CHST9: variants seen among roughly 807,000 people sequenced by gnomAD.
CHST9 encodes carbohydrate sulfotransferase 9.
In CHST9, 41 loss-of-function variants were observed where a neutral mutation model predicts 44.4. The ratio of observed to expected loss-of-function variants is 0.92; its 90% CI spans 0.72 to 1.20. The LOEUF (loss-of-function observed/expected upper bound fraction) is 1.20. Ranked by LOEUF, CHST9 falls within the 50% of genes most tolerant of loss-of-function variation. CHST9 has a pLI of 0.00. For missense variants in CHST9, 504 were observed against 516.5 expected (o/e 0.98, Z 0.23); for synonymous variants, 171 against 178.4 (o/e 0.96, Z 0.33).
intron 5 of CHST9, chr18:26,932,880 A>T (rs1225697134): frequency 6.5e-6 from 1 of 153,772 alleles, no homozygotes; most frequent in African/African-American, 2.4e-5. Flanking sequence ...CAAAGCATTC[A>T]TGTATTGCAT....
At chr18:26,975,938 G>A (rs538673821) in intron 4 of CHST9, among the ~76,000 whole-genome samples, 1 of 151,022 alleles carries the variant, frequency 6.6e-6, no homozygotes, top group Non-Finnish European at 1.5e-5. Context: ...TTCTGTTATT[G>A]GCCAGTCAGC....
chr18:26,966,260 A>C (rs2056463199), intron 4 of CHST9, among the ~76,000 whole-genome samples: 1 of 152,240 alleles, frequency 6.6e-6, no homozygotes. Context: ...TAAAAAATCA[A>C]GTACAAAGTA....
chr18:27,134,168 ACT>A (rs748125542), intron 2 of CHST9, among the ~76,000 whole-genome samples: 1 of 152,058 alleles, frequency 6.6e-6, no homozygotes, highest in Non-Finnish European at 1.5e-5. Context: ...AAAAGAACAG[ACT>A]CTCTCATCAG....
At chr18:27,176,842 A>T (rs2058872429) in intron 1 of CHST9, among the ~76,000 whole-genome samples, 1 of 152,046 alleles carries the variant, frequency 6.6e-6, no homozygotes, top group Non-Finnish European at 1.5e-5. Context: ...ATTCATTTCT[A>T]TTCTAAATGC....
chr18:27,030,875 A>G (rs1418858441), intron 3 of CHST9, among the ~76,000 whole-genome samples: 3 of 152,170 alleles, frequency 2.0e-5, no homozygotes, highest in East Asian at 1.9e-4. Context: ...CTTCACCTAT[A>G]CAATGCTTTA....
chr18:27,149,672 T>C (rs1034868960), intron 1 of CHST9, among the ~76,000 whole-genome samples: 2 of 151,740 alleles, frequency 1.3e-5, no homozygotes, highest in Middle Eastern at 6.8e-3. Flanking sequence ...TCAATATACC[T>C]CACAAGGTTT....
intron 2 of CHST9, among the ~76,000 whole-genome samples, chr18:27,131,494 T>C (rs1282361398): frequency 6.6e-6 from 1 of 152,130 alleles, no homozygotes; most frequent in Admixed American, 6.5e-5. Flanking sequence ...GAGATTGCAG[T>C]GAGCCAAGAT....
intron 2 of CHST9, among the ~76,000 whole-genome samples, chr18:27,108,430 T>A (rs2058241316): frequency 1.3e-5 from 2 of 152,194 alleles, no homozygotes; most frequent in Non-Finnish European, 2.9e-5. Context: ...GGTATGTCAC[T>A]AACATATTAA....
chr18:27,091,562 G>A (rs1323620813), intron 2 of CHST9, among the ~76,000 whole-genome samples: 1 of 152,146 alleles, frequency 6.6e-6, no homozygotes, highest in African/African-American at 2.4e-5. Context: ...TGCCCATTCA[G>A]TATGATATTG....
intron 4 of CHST9, among the ~76,000 whole-genome samples, chr18:27,017,812 G>A (rs945426024): frequency 6.6e-6 from 1 of 152,146 alleles, no homozygotes; most frequent in Non-Finnish European, 1.5e-5. Flanking sequence ...AAAATTAAGA[G>A]ATTCTATTAT....
At chr18:27,030,511 C>A in intron 3 of CHST9, among the ~76,000 whole-genome samples, 1 of 152,094 alleles carries the variant, frequency 6.6e-6, no homozygotes, top group Middle Eastern at 3.4e-3. Context: ...GCTTAAAAGA[C>A]GGCGAGATGC....
At chr18:27,126,392 G>A (rs2058424214) in intron 2 of CHST9, among the ~76,000 whole-genome samples, 1 of 152,168 alleles carries the variant, frequency 6.6e-6, no homozygotes, top group Admixed American at 6.5e-5. Flanking sequence ...GGTCTAGTGG[G>A]TTGAGTGTGA....
At chr18:27,143,223 A>C (rs1236114338) in intron 1 of CHST9, among the ~76,000 whole-genome samples, 2 of 152,320 alleles carry the variant, frequency 1.3e-5, no homozygotes, top group African/African-American at 4.8e-5. Context: ...AATTGCAAGT[A>C]GGAAGAATAA....
At chr18:27,132,075 T>C (rs540358650) in intron 2 of CHST9, among the ~76,000 whole-genome samples, 2 of 152,350 alleles carry the variant, frequency 1.3e-5, no homozygotes, top group South Asian at 4.1e-4. Flanking sequence ...TAAAGGCATC[T>C]TGGGTTTGTG....
intron 2 of CHST9, among the ~76,000 whole-genome samples, chr18:27,063,543 C>T (rs2143622759): frequency 6.6e-6 from 1 of 152,228 alleles, no homozygotes; most frequent in Middle Eastern, 3.4e-3. Context: ...TGGAGTTAGC[C>T]TTTCCTCCTA....
At chr18:27,032,503 C>A (rs544481624) in intron 3 of CHST9, among the ~76,000 whole-genome samples, 40 of 152,356 alleles carry the variant, frequency 2.6e-4, no homozygotes, top group African/African-American at 8.7e-4. Flanking sequence ...AGCCTCCGTC[C>A]TTCCCTCTCT....
chr18:27,166,034 G>A (rs2058787505), intron 1 of CHST9, among the ~76,000 whole-genome samples: 2 of 152,226 alleles, frequency 1.3e-5, no homozygotes, highest in South Asian at 4.1e-4. Flanking sequence ...CTTCCACAGT[G>A]GTAATCATTG....
At chr18:27,119,257 T>C (rs1297455912) in intron 2 of CHST9, among the ~76,000 whole-genome samples, 4 of 152,194 alleles carry the variant, frequency 2.6e-5, no homozygotes, top group Non-Finnish European at 4.4e-5. Flanking sequence ...AGAATCGATA[T>C]GCCTAGAAAC....
At chr18:27,129,276 T>C (rs2058451770) in intron 2 of CHST9, among the ~76,000 whole-genome samples, 1 of 152,194 alleles carries the variant, frequency 6.6e-6, no homozygotes, top group Admixed American at 6.5e-5. Context: ...ATTTTCAAGT[T>C]TTATACTTCT....
Sources: allele counts gnomAD v4.1 joint callset (sites outside exome capture counted in the v4.1 genomes callset), GRCh38; gene constraint gnomAD v4.1.1; transcripts MANE v1.5; gene names NCBI Gene and HGNC (gene_info 2026-07-23, HGNC 2026-07-21).